CTNNA2: variants seen among roughly 807,000 people sequenced by gnomAD.
CTNNA2 encodes the protein catenin alpha-2.
Under a neutral mutation model 101.0 loss-of-function variants are expected in CTNNA2, and 42 were observed. The observed-to-expected ratio is 0.42, with a 90% CI of 0.32 to 0.54. The LOEUF (loss-of-function observed/expected upper bound fraction) is 0.54. CTNNA2 is among the 20% of genes least tolerant of loss of function. The pLI, the probability that CTNNA2 is intolerant of heterozygous loss-of-function variation, is 0.14. For synonymous variants in CTNNA2, 450 were observed against 456.4 expected (o/e 0.99, Z 0.18); for missense variants, 871 against 1,223.1 (o/e 0.71, Z 4.29).
intron 3 of CTNNA2, among the ~76,000 whole-genome samples, chr2:79,325,455 C>G (rs954517573): frequency 2.6e-5 from 4 of 152,162 alleles, no homozygotes; most frequent in African/African-American, 9.7e-5. Flanking sequence ...GGGATTTCTT[C>G]AAATAGCATT....
chr2:80,227,439 T>C (rs1225175196), intron 7 of CTNNA2, among the ~76,000 whole-genome samples: 2 of 152,220 alleles, frequency 1.3e-5, no homozygotes, highest in Non-Finnish European at 2.9e-5. Context: ...GACTTCTGCG[T>C]TTAGGGTCTT....
At chr2:79,722,490 A>G (rs1034005254) in intron 2 of CTNNA2, among the ~76,000 whole-genome samples, 2 of 152,220 alleles carry the variant, frequency 1.3e-5, no homozygotes, top group African/African-American at 4.8e-5. Flanking sequence ...CTTTAGTAAT[A>G]TATAATGCTT....
chr2:79,696,317 T>G (rs1573709443), intron 2 of CTNNA2, among the ~76,000 whole-genome samples: 1 of 152,190 alleles, frequency 6.6e-6, no homozygotes, highest in Non-Finnish European at 1.5e-5. Flanking sequence ...ACAATGCTTT[T>G]TGCAGTCTCC....
intron 2 of CTNNA2, among the ~76,000 whole-genome samples, chr2:79,726,277 A>T (rs1263744231): frequency 6.6e-6 from 1 of 152,136 alleles, no homozygotes; most frequent in African/African-American, 2.4e-5. Context: ...GTTATATTTC[A>T]TTTGTACTAT....
intron 7 of CTNNA2, among the ~76,000 whole-genome samples, chr2:80,077,801 G>C (rs1698860632): frequency 6.6e-6 from 1 of 152,170 alleles, no homozygotes; most frequent in African/African-American, 2.4e-5. Flanking sequence ...GGAAGCGAGA[G>C]GAGCACTCGT....
intron 2 of CTNNA2, among the ~76,000 whole-genome samples, chr2:79,245,920 C>T (rs142781183): frequency 2.6e-3 from 402 of 152,314 alleles, no homozygotes; most frequent in Non-Finnish European, 4.7e-3. Flanking sequence ...CAGGGAAAGC[C>T]TCAAGGCATT....
chr2:80,206,035 A>T (rs368824764), intron 7 of CTNNA2, among the ~76,000 whole-genome samples: 1 of 152,184 alleles, frequency 6.6e-6, no homozygotes, highest in Non-Finnish European at 1.5e-5. Context: ...CTTTCTTGTC[A>T]TGGTAATCCA....
intron 4 of CTNNA2, among the ~76,000 whole-genome samples, chr2:79,864,582 T>G (rs1643216099): frequency 6.6e-6 from 1 of 152,276 alleles, no homozygotes; most frequent in Middle Eastern, 3.4e-3. Flanking sequence ...CTGTTGAAAT[T>G]ATCTAGGCCA....
intron 4 of CTNNA2, among the ~76,000 whole-genome samples, chr2:79,454,015 C>T (rs1238042319): frequency 1.3e-5 from 2 of 152,028 alleles, no homozygotes; most frequent in Non-Finnish European, 2.9e-5. Flanking sequence ...CCCCTCAGTT[C>T]TGATGGAAAG....
intron 2 of CTNNA2, 96 bp downstream of exon 2, chr2:79,651,754 A>C: frequency 1.0e-6 from 1 of 997,662 alleles, no homozygotes; most frequent in South Asian, 1.4e-5. Flanking sequence ...AAAAGAGAAT[A>C]AATCATGCCA....
rs189181306 is a variant in CTNNA2, at chr2:79,338,321, G to A, written c.-318+25525G>A. On this transcript the variant is annotated intron_variant, in intron 3 of 21. Transcript: ENST00000466387. Reference sequence around the variant, plus strand: ...GTCCATGTGTGTGCTTGTGTGTAAAGGGCAGAGGAAGAGAATTTGAGGCAG... The same window carrying A: ...GTCCATGTGTGTGCTTGTGTGTAAAAGGCAGAGGAAGAGAATTTGAGGCAG... Among the ~76,000 whole-genome samples, 457 of 151,874 alleles carry A rather than the reference G, an allele frequency of 3.0e-3. 3 individuals carry two copies. Among genetic ancestry groups the A allele is most frequent in the African/African-American group, 9.8e-3 (405 of 41,428 alleles).
chr2:79,943,189 C>T (rs1258968954), intron 7 of CTNNA2, among the ~76,000 whole-genome samples: 2 of 152,072 alleles, frequency 1.3e-5, no homozygotes, highest in Non-Finnish European at 2.9e-5. Context: ...TGTATTCCAG[C>T]CTGGGCAACA....
At chr2:79,243,320 T>TA (rs1289354742) in intron 2 of CTNNA2, among the ~76,000 whole-genome samples, 5 of 152,014 alleles carry the variant, frequency 3.3e-5, no homozygotes, top group South Asian at 2.1e-4. Flanking sequence ...TCTCAACTTG[T>TA]AAAAAAAGTA....
intron 7 of CTNNA2, among the ~76,000 whole-genome samples, chr2:80,122,955 C>T (rs1235407394): frequency 1.3e-5 from 2 of 152,100 alleles, no homozygotes; most frequent in Non-Finnish European, 2.9e-5. Context: ...TGCACTACGC[C>T]TACAAAAACC....
At chr2:79,744,182 T>G (rs1671484255) in intron 2 of CTNNA2, among the ~76,000 whole-genome samples, 1 of 152,212 alleles carries the variant, frequency 6.6e-6, no homozygotes, top group Admixed American at 6.5e-5. Flanking sequence ...AGGAAATAAA[T>G]GATAACCATT....
At chr2:79,764,123 G>T (rs1045178036) in intron 3 of CTNNA2, among the ~76,000 whole-genome samples, 2 of 152,172 alleles carry the variant, frequency 1.3e-5, no homozygotes, top group Admixed American at 1.3e-4. Flanking sequence ...TGTATCACCA[G>T]TTCCTACTCC....
In CTNNA2 at chr2:80,608,331, T is replaced by C. The variant is rs2149784539; in HGVS notation, c.2430+13T>C. The stretch of plus-strand genomic sequence containing the variant: ...CATTGTGTCAGGGGTAAGCTGGACT[T>C]GGGCTTCACAATGTAAAGTTCCCAC... On this transcript the variant is annotated intron_variant, in intron 17 of 18. Coordinates refer to ENST00000402739, the MANE Select transcript of CTNNA2 (RefSeq NM_001282597.3). 6 of 1,603,664 alleles carry C rather than the reference T, an allele frequency of 3.7e-6. No homozygotes were observed. Among genetic ancestry groups the C allele is most frequent in the Middle Eastern group, 3.3e-4 (2 of 5,996 alleles).
At position 80,130,419 on chromosome 2, in the gene CTNNA2, GAT is replaced by G. The variant is rs199690267; in HGVS notation, c.1056+220624_1056+220625del. Among the ~76,000 whole-genome samples the G allele has an allele frequency of 3.5e-3, 527 of 152,308 alleles. 2 individuals are homozygous for G. The highest frequency in any genetic ancestry group is 0.011 in the African/African-American group (471 of 41,574). ...ATTTTTCATGAGTGGGAGAAAAAGA[GAT>G]AGAGTTACAACTATTGCTCCAGGAG... is the stretch of plus-strand genomic sequence containing the variant. On this transcript the variant is annotated intron_variant, in intron 7 of 18. Transcript: ENST00000402739.
intron 7 of CTNNA2, among the ~76,000 whole-genome samples, chr2:80,048,033 T>C (rs1321131941): frequency 6.6e-6 from 1 of 152,190 alleles, no homozygotes; most frequent in South Asian, 2.1e-4. Flanking sequence ...CCCTATGTTA[T>C]AACCAAAGAG....
Sources: gnomAD v4.1 joint callset for allele counts (sites outside exome capture counted in the v4.1 genomes callset) on GRCh38, gnomAD v4.1.1 for gene constraint, MANE v1.5 for transcripts, NCBI Gene and HGNC (gene_info 2026-07-23, HGNC 2026-07-21) for gene names.